Variants in RAP1GAP observed in about 807,000 individuals in gnomAD.
RAP1GAP encodes rap1 GTPase-activating protein 1.
A neutral mutation model predicts 87.2 loss-of-function variants in RAP1GAP; 35 were observed. The observed-to-expected ratio is 0.40, with a 90% CI of 0.31 to 0.53. The LOEUF (loss-of-function observed/expected upper bound fraction) is 0.53, where lower values mean the gene tolerates loss of function less well. RAP1GAP is among the 20% of genes least tolerant of loss of function. The probability of loss-of-function intolerance (pLI) is 0.48; values close to 1 mark genes in which losing one functional copy is unlikely to be tolerated. For synonymous variants in RAP1GAP, 375 were observed against 363.9 expected (o/e 1.03, Z -0.35); for missense variants, 734 against 898.9 (o/e 0.82, Z 2.35).
chr1:21,619,974 GCTCTGT>G, intron 4 of RAP1GAP, 35 bp downstream of exon 4: 1 of 1,610,678 alleles, frequency 6.2e-7, no homozygotes, highest in Non-Finnish European at 8.5e-7. Context: ...AGCCCAGCCA[GCTCTGT>G]GGCTCCCCAG....
chr1:21,640,226 G>T (rs2095394274), intron 2 of RAP1GAP, among the ~76,000 whole-genome samples: 1 of 152,104 alleles, frequency 6.6e-6, no homozygotes, highest in Non-Finnish European at 1.5e-5. Flanking sequence ...CACATTTCAG[G>T]TGCTATGTCT....
In RAP1GAP at chr1:21,617,417, G is replaced by A. The variant is rs1165397583; in HGVS notation, c.180C>T (p.Asn60=). ...QFGGYWIEGT[N]HEITSIPETE... is the part of the protein sequence containing the mutation. The stretch of plus-strand genomic sequence containing the variant: ...TCTCGGGGATGCTGGTGATTTCGTG[G>A]TTGGTGCCCTCAATCCAGTAGCCCC... The change falls in exon 7 of 25, where the codon AAC becomes AAT. Residue 60 remains asparagine, a synonymous_variant. Transcript: ENST00000374765. The A allele has an allele frequency of 3.1e-6, 5 of 1,605,684 alleles. No individual in the cohort carries two copies. The highest frequency in any genetic ancestry group is 1.7e-5 in the Admixed American group (1 of 58,652).
chr1:21,597,712 T>C lies in RAP1GAP; in HGVS notation c.*8A>G. ...TGCTCAGTTTCACCTTCAGAGGGGG[T>C]GGCCCGGCTAACAGCCCTGCAGACA... On this transcript the variant is annotated 3_prime_UTR_variant, in exon 24 of 25. Transcript: ENST00000374765. 6.2e-7 allele frequency: 1 copy of C among 1,613,226 alleles called. No homozygotes were observed. The highest frequency in any genetic ancestry group is 8.5e-7 in the Non-Finnish European group (1 of 1,179,460).
In RAP1GAP at chr1:21,598,077, G is replaced by GCGGGGGGGGGGGGC; in HGVS notation, c.1880-14_1880-13insGCCCCCCCCCCCCG. ...GATCGAGAGGGGCCTGGGGAGGGGG[G>GCGGGGGGGGGGGGC]CAGGAGGGAGCCACCTCACTGGCCG... On this transcript the variant is annotated splice_polypyrimidine_tract_variant and intron_variant, in intron 22 of 24. Coordinates refer to ENST00000374765, the MANE Select transcript of RAP1GAP (RefSeq NM_002885.4). 1 of 1,354,546 alleles carries GCGGGGGGGGGGGGC rather than the reference G, an allele frequency of 7.4e-7. No individual in the cohort carries two copies. The highest frequency in any genetic ancestry group is 1.0e-6 in the Non-Finnish European group (1 of 982,018). 83.9% of individuals were successfully genotyped at this position (1,354,546 alleles called of 1,614,324 possible). A position where few individuals can be genotyped will look rare whatever the true frequency, so the allele number is the denominator to read the frequency against.
chr1:21,664,428 C>T (rs1235075487), intron 1 of RAP1GAP, among the ~76,000 whole-genome samples: 1 of 152,136 alleles, frequency 6.6e-6, no homozygotes, highest in Non-Finnish European at 1.5e-5. Flanking sequence ...CATTCAAGGC[C>T]CTTAATAGAC....
At chr1:21,649,064 G>A (rs767877139) in intron 2 of RAP1GAP, among the ~76,000 whole-genome samples, 4 of 152,208 alleles carry the variant, frequency 2.6e-5, no homozygotes, top group Non-Finnish European at 5.9e-5. Context: ...AGCCAGCCAG[G>A]CCCACGTGAT....
At chr1:21,659,412 C>G (rs1163911796) in intron 1 of RAP1GAP, among the ~76,000 whole-genome samples, 1 of 152,212 alleles carries the variant, frequency 6.6e-6, no homozygotes, top group Non-Finnish European at 1.5e-5. Flanking sequence ...GCTCGCCACC[C>G]CCCGCACTTC....
Position 21,646,009 on chromosome 1 carries a change from C to T in RAP1GAP, c.-113+3752G>A, listed in dbSNP as rs180848368. On this transcript the variant is annotated intron_variant, in intron 2 of 24. Coordinates refer to ENST00000374765, the MANE Select transcript of RAP1GAP (RefSeq NM_002885.4). Reference sequence around the variant, plus strand: ...TCAGTCTTGGTTCACCCCTCACTGACTGCATGCCCCTGGGCCACCACTTCC... The same window carrying T: ...TCAGTCTTGGTTCACCCCTCACTGATTGCATGCCCCTGGGCCACCACTTCC... Among the ~76,000 whole-genome samples the T allele has an allele frequency of 3.3e-3, 506 of 152,324 alleles. 3 individuals carry two copies. The highest frequency in any genetic ancestry group is 0.012 in the African/African-American group (483 of 41,576).
rs2069972776 is a variant in RAP1GAP at position 21,602,819 on chromosome 1, T to C, written c.1523A>G (p.Glu508Gly). 1 of 1,608,744 alleles carries C rather than the reference T, an allele frequency of 6.2e-7. No homozygotes were observed. Among genetic ancestry groups the C allele is most frequent in the Admixed American group, 1.7e-5 (1 of 59,950 alleles). ...SSAIGIENIQ[E>G]VQEKRESPPA... ...ACTCACCCACCTCTTCTCCTGCACCTCCTGTATGTTCTCGATGCCAATGGC... is the reference window on the plus strand; with the variant it reads ...ACTCACCCACCTCTTCTCCTGCACCCCCTGTATGTTCTCGATGCCAATGGC... Residue 508 changes from glutamate to glycine, a missense_variant, in exon 19 of 25, where the codon GAG becomes GGG. By Grantham distance (98) the Glu-to-Gly change is moderately conservative (BLOSUM62 -2). This residue lies in a region of RAP1GAP where 249 missense variants were observed against 252.7 expected (regional missense o/e 0.99). Transcript: ENST00000374765.
At chr1:21,604,879 GGA>G (rs1381380715) in intron 18 of RAP1GAP, among the ~76,000 whole-genome samples, 1 of 147,854 alleles carries the variant, frequency 6.8e-6, no homozygotes. Flanking sequence ...ATGGATGGAT[GGA>G]TGGATGGGTG....
chr1:21,613,577 G>T lies in RAP1GAP; in HGVS notation c.474+51C>A. 6.6e-7 allele frequency: 1 copy of T among 1,506,520 alleles called. No individual in the cohort carries two copies. Among genetic ancestry groups the T allele is most frequent in the Non-Finnish European group, 9.2e-7 (1 of 1,082,634 alleles). The allele number at this position is 1,506,520 out of a possible 1,614,324, so 93.3% of individuals were successfully genotyped here. A position where few individuals can be genotyped will look rare whatever the true frequency, so the allele number is the denominator to read the frequency against. On this transcript the variant is annotated intron_variant, in intron 9 of 24. Coordinates refer to ENST00000374765, the MANE Select transcript of RAP1GAP (RefSeq NM_002885.4). This position sits in a 1 kb window ranked among gnomAD's most constrained non-coding sequence, Gnocchi z 4.7. ...GCCAAGGCAAGCTGAAGCCCCACAGGTGCCCATCTGCGGAGCCAGCCCGGG... is the reference window on the plus strand; with the variant it reads ...GCCAAGGCAAGCTGAAGCCCCACAGTTGCCCATCTGCGGAGCCAGCCCGGG...
chr1:21,669,212 C>A lies in RAP1GAP; in HGVS notation c.-149+42G>T, dbSNP rs780239062. 2 of 1,252,488 alleles carry A rather than the reference C, an allele frequency of 1.6e-6. No individual in the cohort carries two copies. Among genetic ancestry groups the A allele is most frequent in the South Asian group, 2.6e-5 (2 of 78,248 alleles). The allele number at this position is 1,252,488 out of a possible 1,614,324, so 77.6% of individuals were successfully genotyped here. ...ACGGGAGTCTGGACACCTCTGTCCC[C>A]TTCCCCTTTCCAGGGCCGCAGCCCT... On this transcript the variant is annotated intron_variant, in intron 1 of 24. Coordinates refer to ENST00000374765, the MANE Select transcript of RAP1GAP (RefSeq NM_002885.4). The surrounding 1 kb of genome is among the most constrained non-coding windows in gnomAD (Gnocchi z 5.6).
intron 3 of RAP1GAP, among the ~76,000 whole-genome samples, chr1:21,620,986 A>C (rs1266325901): frequency 6.6e-6 from 1 of 152,238 alleles, no homozygotes; most frequent in Non-Finnish European, 1.5e-5. Flanking sequence ...ACACAAACAC[A>C]TATGATGGGG....
chr1:21,653,204 A>C (rs1308018196), intron 1 of RAP1GAP: 1 of 151,944 alleles, frequency 6.6e-6, no homozygotes, highest in Non-Finnish European at 1.5e-5. Flanking sequence ...CTCTCACACC[A>C]ATTACTTCTC....
intron 7 of RAP1GAP, among the ~76,000 whole-genome samples, chr1:21,617,011 A>G (rs829418): frequency 0.9 from 136,743 of 152,274 alleles, 61,439 homozygotes; most frequent in East Asian, 0.97. Context: ...TAAGCGATTT[A>G]CCCGATGTCC....
intron 1 of RAP1GAP, chr1:21,651,971 G>T: frequency 1.6e-6 from 1 of 621,154 alleles, no homozygotes; most frequent in Non-Finnish European, 2.0e-6. Flanking sequence ...CAGCTGCCGG[G>T]GGCCGCCGGC....
At chr1:21,649,629 C>T in intron 2 of RAP1GAP, 132 bp downstream of exon 2, 1 of 1,069,074 alleles carries the variant, frequency 9.4e-7, no homozygotes, top group Non-Finnish European at 1.4e-6. Flanking sequence ...TCTGCCCACC[C>T]CCTTGCCCTG....
intron 1 of RAP1GAP, among the ~76,000 whole-genome samples, chr1:21,652,073 C>CG (rs1156404199): frequency 6.6e-6 from 1 of 151,244 alleles, no homozygotes; most frequent in African/African-American, 2.4e-5. Context: ...GCGGGGATTG[C>CG]GGGGCCCGGG....
At chr1:21,604,991 G>A (rs1443344335) in intron 18 of RAP1GAP, among the ~76,000 whole-genome samples, 1 of 141,566 alleles carries the variant, frequency 7.1e-6, no homozygotes, top group African/African-American at 2.7e-5. Flanking sequence ...ATGGGTAGGT[G>A]GGTGGATGGG....
Sources: gnomAD v4.1 joint callset for allele counts (sites outside exome capture counted in the v4.1 genomes callset) on GRCh38, gnomAD v4.1.1 for gene constraint, gnomAD v4.1.1 regional missense constraint, Gnocchi (gnomAD v3.1) non-coding constraint, MANE v1.5 for transcripts, NCBI Gene and HGNC (gene_info 2026-07-23, HGNC 2026-07-21) for gene names.